LRCH1: variants seen among roughly 807,000 people sequenced by gnomAD.
The protein encoded by LRCH1 is leucine-rich repeat and calponin homology domain-containing protein 1.
LRCH1 carries 23 observed loss-of-function variants against 94.9 expected under a neutral mutation model. That is an observed-to-expected ratio of 0.24 (90% CI 0.17 to 0.34). The LOEUF is 0.34. LRCH1 is among the 10% of genes least tolerant of loss of function. The probability of loss-of-function intolerance (pLI) is 1.00; values close to 1 mark genes in which losing one functional copy is unlikely to be tolerated. For synonymous variants in LRCH1, 364 were observed against 354.9 expected, an observed-to-expected ratio of 1.03 and a Z score of -0.29; for missense variants, 790 against 945.9, an observed-to-expected ratio of 0.84 and a Z score of 2.16.
intron 19 of LRCH1, among the ~76,000 whole-genome samples, chr13:46,740,920 C>T (rs982072054): frequency 6.6e-6 from 1 of 152,130 alleles, no homozygotes; most frequent in Non-Finnish European, 1.5e-5. Flanking sequence ...CCCCCTGCCC[C>T]AATATACCTG....
intron 1 of LRCH1, 54 bp downstream of exon 1, chr13:46,553,757 C>T (rs984832561): frequency 8.2e-5 from 130 of 1,586,856 alleles, no homozygotes; most frequent in Non-Finnish European, 1.0e-4. Flanking sequence ...GGGTGTCTGT[C>T]GTGCGTTCCC....
intron 1 of LRCH1, among the ~76,000 whole-genome samples, chr13:46,608,700 T>C (rs1566173746): frequency 6.6e-6 from 1 of 152,214 alleles, no homozygotes; most frequent in Admixed American, 6.5e-5. Flanking sequence ...GAAATTTAGT[T>C]ACTTTTGCTC....
intron 1 of LRCH1, among the ~76,000 whole-genome samples, chr13:46,583,335 A>G (rs1794517611): frequency 6.6e-6 from 1 of 152,234 alleles, no homozygotes; most frequent in Non-Finnish European, 1.5e-5. Context: ...GCCAAATTGA[A>G]AAGAATGAGG....
chr13:46,673,168 A>T (rs1171997198), intron 3 of LRCH1, among the ~76,000 whole-genome samples: 1 of 152,102 alleles, frequency 6.6e-6, no homozygotes, highest in African/African-American at 2.4e-5. Context: ...TCCTGTGTGT[A>T]TGTAACTCTG....
chr13:46,574,634 C>G (rs1268374769), intron 1 of LRCH1, among the ~76,000 whole-genome samples: 1 of 152,108 alleles, frequency 6.6e-6, no homozygotes, highest in Non-Finnish European at 1.5e-5. Context: ...CTTTTTAAAG[C>G]ATTTCCTTCT....
chr13:46,709,108 G>C (rs781104199), intron 13 of LRCH1, among the ~76,000 whole-genome samples: 7 of 152,174 alleles, frequency 4.6e-5, no homozygotes, highest in Non-Finnish European at 8.8e-5. Context: ...TGTATATTAT[G>C]TCCCTTTAAA....
intron 19 of LRCH1, 111 bp from the exon 20 acceptor site, chr13:46,741,531 T>C: frequency 7.9e-7 from 1 of 1,271,358 alleles, no homozygotes; most frequent in Non-Finnish European, 1.1e-6. Flanking sequence ...AAGGGGTTAC[T>C]CCTGCCATTT....
chr13:46,558,577 A>AAAAAAAAAAAAAG (rs2050094319), intron 1 of LRCH1, among the ~76,000 whole-genome samples: 1 of 107,824 alleles, frequency 9.3e-6, no homozygotes, highest in Non-Finnish European at 2.0e-5. Context: ...GTCTACAAAA[A>AAAAAAAAAAAAAG]AAAAAAAAAA....
At chr13:46,738,148 G>C (rs1873478399) in intron 19 of LRCH1, among the ~76,000 whole-genome samples, 1 of 152,136 alleles carries the variant, frequency 6.6e-6, no homozygotes. Flanking sequence ...AAGATTAAAG[G>C]CAGCAACTCA....
chr13:46,730,318 T>C (rs1299452102), intron 18 of LRCH1, among the ~76,000 whole-genome samples: 1 of 152,198 alleles, frequency 6.6e-6, no homozygotes, highest in African/African-American at 2.4e-5. Context: ...TACACATATA[T>C]GTAAGCCATT....
At chr13:46,634,763 C>CT (rs2051062222) in intron 1 of LRCH1, among the ~76,000 whole-genome samples, 2 of 152,086 alleles carry the variant, frequency 1.3e-5, no homozygotes, top group South Asian at 4.2e-4. Context: ...ATGTCTGTCT[C>CT]TAATATCTAG....
chr13:46,600,618 TACACACACACAC>T (rs3068695), intron 1 of LRCH1, among the ~76,000 whole-genome samples: 17 of 143,284 alleles, frequency 1.2e-4, no homozygotes, highest in Admixed American at 3.5e-4. Context: ...TGACCAGATT[TACACACACACAC>T]ACACACACAC....
chr13:46,639,421 C>T (rs1328344409), intron 1 of LRCH1, among the ~76,000 whole-genome samples: 1 of 152,180 alleles, frequency 6.6e-6, no homozygotes, highest in African/African-American at 2.4e-5. Flanking sequence ...AACTAGTTTT[C>T]TTTGAATTAT....
At chr13:46,671,941 C>T (rs1261743226) in intron 3 of LRCH1, among the ~76,000 whole-genome samples, 1 of 151,452 alleles carries the variant, frequency 6.6e-6, no homozygotes, top group Admixed American at 6.6e-5. Context: ...CCAAAGTCCA[C>T]AGTTTACATT....
chr13:46,647,805 T>A (rs1044145671), intron 1 of LRCH1, among the ~76,000 whole-genome samples: 1 of 151,838 alleles, frequency 6.6e-6, no homozygotes, highest in African/African-American at 2.4e-5. Context: ...TTTTTTTTTT[T>A]TTTTTTCGTT....
intron 18 of LRCH1, among the ~76,000 whole-genome samples, chr13:46,733,268 C>T (rs1389573012): frequency 1.3e-5 from 2 of 152,170 alleles, no homozygotes; most frequent in Non-Finnish European, 2.9e-5. Context: ...CCATCCCACA[C>T]CTCAGAGGCC....
At chr13:46,597,328 C>G (rs2050575076) in intron 1 of LRCH1, among the ~76,000 whole-genome samples, 1 of 151,908 alleles carries the variant, frequency 6.6e-6, no homozygotes, top group Non-Finnish European at 1.5e-5. Flanking sequence ...AAATGGCTCC[C>G]CAAATATAGG....
rs536398938 is a variant in LRCH1, at chr13:46,628,216, C to G, written c.308-21985C>G. ...TATGACTTTAACTCATGAAAATATG[C>G]GGGGCTGCTTGATGGAAGGGGATGT... On this transcript the variant is annotated intron_variant, in intron 1 of 19. Transcript: ENST00000389797. Among the ~76,000 whole-genome samples the G allele has an allele frequency of 1.4e-4, 22 of 152,072 alleles. 1 individual carries two copies. The South Asian group carries it at 2.9e-3, about 20-fold the overall frequency.
chr13:46,588,340 A>G (rs946211416), intron 1 of LRCH1, among the ~76,000 whole-genome samples: 7 of 152,322 alleles, frequency 4.6e-5, no homozygotes, highest in Middle Eastern at 3.4e-3. Context: ...TAGCCTGATT[A>G]GATGTCTTTG....
Sources: gnomAD v4.1 joint callset for allele counts (sites outside exome capture counted in the v4.1 genomes callset) on GRCh38, gnomAD v4.1.1 for gene constraint, MANE v1.5 for transcripts, NCBI Gene and HGNC (gene_info 2026-07-23, HGNC 2026-07-21) for gene names.